Variants in ZRANB3 observed in about 807,000 individuals in gnomAD.
ZRANB3 encodes zinc finger RANBP2-type containing 3, also known as DNA annealing helicase and endonuclease ZRANB3.
Under a neutral mutation model 133.8 loss-of-function variants are expected in ZRANB3, and 125 were observed. The observed-to-expected ratio is 0.93, with a 90% CI of 0.81 to 1.08. The LOEUF is 1.08. ZRANB3 is among the 50% of genes least tolerant of loss of function. The pLI is 0.00. For synonymous variants in ZRANB3, 387 were observed against 432.7 expected (o/e 0.89, Z 1.31); for missense variants, 1,229 against 1,275.5 (o/e 0.96, Z 0.56).
In ZRANB3 at chr2:135,346,743, C is replaced by T. The variant is rs145331293; in HGVS notation, c.592-1108G>A. On this transcript the variant is annotated intron_variant, in intron 5 of 20. Transcript: ENST00000264159. ...CAGCTCTGATAGGCTACACACAGGA[C>T]TGTCTCACTGTTATTTTAATATATT... Among the ~76,000 whole-genome samples the T allele has an allele frequency of 3.8e-4, 58 of 152,114 alleles. No homozygotes were observed. The East Asian group carries it at 0.011, about 28-fold the overall frequency.
intron 2 of ZRANB3, among the ~76,000 whole-genome samples, chr2:135,443,541 A>G (rs993351665): frequency 4.0e-5 from 6 of 151,574 alleles, no homozygotes; most frequent in African/African-American, 1.5e-4. Flanking sequence ...TAAAAAAAGA[A>G]AAAAAAAAGT....
intron 4 of ZRANB3, among the ~76,000 whole-genome samples, chr2:135,352,838 T>A (rs1685271026): frequency 1.3e-5 from 2 of 152,266 alleles, no homozygotes; most frequent in South Asian, 4.1e-4. Context: ...CACCTACACA[T>A]TCCATGTAAT....
At chr2:135,401,288 G>A (rs1213192371) in intron 2 of ZRANB3, among the ~76,000 whole-genome samples, 7 of 150,876 alleles carry the variant, frequency 4.6e-5, no homozygotes, top group Admixed American at 3.9e-4. Flanking sequence ...TTTCTTTCCC[G>A]GATTGCAGAC....
chr2:135,207,641 C>T lies in ZRANB3; in HGVS notation c.2802G>A (p.Arg934=), dbSNP rs757413791. 8 of 1,614,010 alleles carry T rather than the reference C, an allele frequency of 5.0e-6. No individual in the cohort carries two copies. The South Asian group carries it at 7.7e-5, about 16-fold the overall frequency. Reference sequence around the variant, plus strand: ...CTTCCTGACATTTCAGAGAGCAAAACCGTGAATCCCAAGAGTTCGCTTTAC... The same window carrying T: ...CTTCCTGACATTTCAGAGAGCAAAATCGTGAATCCCAAGAGTTCGCTTTAC... ...QACKANSWDS[R]FCSLKCQEEF... is the part of the protein sequence containing the mutation. Residue 934 remains arginine, a synonymous_variant, in exon 19 of 21, where the codon CGG becomes CGA. Coordinates refer to ENST00000264159, the MANE Select transcript of ZRANB3 (RefSeq NM_032143.4).
At chr2:135,228,113 A>G (rs1315634390) in intron 13 of ZRANB3, 98 bp from the exon 14 acceptor site, 7 of 1,039,538 alleles carry the variant, frequency 6.7e-6, no homozygotes, top group African/African-American at 3.2e-5. Flanking sequence ...GAAAGTGAAT[A>G]ATGTTTATTC....
intron 10 of ZRANB3, chr2:135,271,384 G>T: frequency 2.1e-6 from 1 of 473,350 alleles, no homozygotes; most frequent in South Asian, 1.5e-5. Flanking sequence ...AGGCCACCTT[G>T]TCATACAGGT....
chr2:135,251,863 C>T lies in ZRANB3; in HGVS notation c.1539+13671G>A, dbSNP rs376011681. On this transcript the variant is annotated intron_variant, in intron 12 of 20. Coordinates refer to ENST00000264159, the MANE Select transcript of ZRANB3 (RefSeq NM_032143.4). ...CAGCCTGGCCAACATGGTGAAACCT[C>T]GTCTCTACTAAAAATACAAAAATTA... 1.4e-4 allele frequency among the ~76,000 whole-genome samples: 22 copies of T among 152,180 alleles called. No individual in the cohort carries two copies. In the East Asian group the frequency reaches 3.3e-3, roughly 23 times the overall value.
intron 5 of ZRANB3, among the ~76,000 whole-genome samples, chr2:135,346,197 C>T (rs1315099174): frequency 6.6e-5 from 10 of 152,148 alleles, no homozygotes; most frequent in African/African-American, 1.4e-4. Flanking sequence ...CCAGAGTTCA[C>T]GCCATTCTCT....
chr2:135,348,351 A>G (rs1685043685), intron 5 of ZRANB3, among the ~76,000 whole-genome samples: 1 of 152,158 alleles, frequency 6.6e-6, no homozygotes, highest in Admixed American at 6.5e-5. Flanking sequence ...TTCTAATTTT[A>G]TATTCTTTTT....
chr2:135,469,201 CTTAA>C (rs1691140925), intron 2 of ZRANB3, among the ~76,000 whole-genome samples: 1 of 151,818 alleles, frequency 6.6e-6, no homozygotes, highest in East Asian at 1.9e-4. Context: ...TTCAACACAT[CTTAA>C]TTAAAATTTA....
intron 2 of ZRANB3, among the ~76,000 whole-genome samples, chr2:135,426,776 G>C (rs1193174181): frequency 1.5e-5 from 2 of 131,890 alleles, no homozygotes; most frequent in African/African-American, 5.8e-5. Flanking sequence ...AGCTTGCAGC[G>C]AGCCAAGATG....
chr2:135,241,514 G>C (rs1438141692), intron 12 of ZRANB3, among the ~76,000 whole-genome samples: 1 of 151,792 alleles, frequency 6.6e-6, no homozygotes, highest in African/African-American at 2.4e-5. Context: ...TCATGCTATA[G>C]ATTTTCTCTT....
At chr2:135,381,935 C>A (rs925133744) in intron 3 of ZRANB3, among the ~76,000 whole-genome samples, 1 of 152,130 alleles carries the variant, frequency 6.6e-6, no homozygotes, top group South Asian at 2.1e-4. Context: ...AATCAGAGCG[C>A]CTCTCCTCCT....
chr2:135,345,761 C>G, intron 5 of ZRANB3, 126 bp from the exon 6 acceptor site: 1 of 636,534 alleles, frequency 1.6e-6, no homozygotes, highest in Non-Finnish European at 2.7e-6. Context: ...TTCCTCAAAT[C>G]CCCTCACTAC....
chr2:135,227,693 T>C (rs979449271), intron 14 of ZRANB3, 119 bp downstream of exon 14: 6 of 982,140 alleles, frequency 6.1e-6, no homozygotes, highest in East Asian at 2.6e-5. Flanking sequence ...TTGGTATTTT[T>C]AATATAAAAG....
intron 8 of ZRANB3, among the ~76,000 whole-genome samples, chr2:135,298,611 T>C (rs529300213): frequency 1.8e-4 from 28 of 152,240 alleles, no homozygotes; most frequent in African/African-American, 6.7e-4. Context: ...GCCACCCCAG[T>C]AGAGCTACTG....
chr2:135,369,399 A>C (rs1452774714), intron 3 of ZRANB3, among the ~76,000 whole-genome samples: 1 of 152,188 alleles, frequency 6.6e-6, no homozygotes, highest in African/African-American at 2.4e-5. Flanking sequence ...AATTGAAAGC[A>C]GTATGAGAAG....
At chr2:135,516,059 G>A (rs542080407) in intron 1 of ZRANB3, among the ~76,000 whole-genome samples, 1 of 151,494 alleles carries the variant, frequency 6.6e-6, no homozygotes, top group South Asian at 2.1e-4. Context: ...GATCTTTGTT[G>A]GTTTAAAGTC....
At chr2:135,468,217 G>A (rs190809742) in intron 2 of ZRANB3, among the ~76,000 whole-genome samples, 1 of 152,232 alleles carries the variant, frequency 6.6e-6, no homozygotes, top group African/African-American at 2.4e-5. Context: ...GAAGAAACAT[G>A]CTTAAAAACA....
Sources: gnomAD v4.1 joint callset for allele counts (sites outside exome capture counted in the v4.1 genomes callset) on GRCh38, gnomAD v4.1.1 for gene constraint, MANE v1.5 for transcripts, NCBI Gene and HGNC (gene_info 2026-07-23, HGNC 2026-07-21) for gene names.